Variants in PCDH17 observed in about 807,000 individuals in gnomAD.
PCDH17 encodes protocadherin-17.
A neutral mutation model predicts 67.7 loss-of-function variants in PCDH17; 21 were observed. The ratio of observed to expected loss-of-function variants is 0.31; its 90% CI spans 0.22 to 0.45. The LOEUF (loss-of-function observed/expected upper bound fraction) is 0.45. Among genes scored for constraint, PCDH17 ranks in the 20% least tolerant of loss-of-function variants. The pLI, the probability that PCDH17 is intolerant of heterozygous loss-of-function variation, is 1.00. For synonymous variants in PCDH17, 701 were observed against 656.7 expected (o/e 1.07, Z -1.03); for missense variants, 1,471 against 1,564.8 (o/e 0.94, Z 1.01).
chr13:57,633,236 C>A lies in PCDH17; in HGVS notation c.690C>A (p.Asn230Lys). Reference sequence around the variant, plus strand: ...CACGTTCCGCCACCGTACAGATCAACGTGAAGGTGATTGACTCCAACGACA... The same window carrying A: ...CACGTTCCGCCACCGTACAGATCAAAGTGAAGGTGATTGACTCCAACGACA... Reference protein sequence around the residue: ...EPPRSATVQINVKVIDSNDNS... With the variant: ...EPPRSATVQIKVKVIDSNDNS... Residue 230 changes from asparagine to lysine, a missense_variant, in exon 1 of 4, where the codon AAC (asparagine) becomes AAA (lysine). Coordinates refer to ENST00000377918, the MANE Select transcript of PCDH17 (RefSeq NM_001040429.3). This position sits in a 1 kb window ranked among gnomAD's most constrained non-coding sequence, Gnocchi z 6.2. The A allele has an allele frequency of 6.2e-7, 1 of 1,613,282 alleles. No homozygotes were observed. The highest frequency in any genetic ancestry group is 8.5e-7 in the Non-Finnish European group (1 of 1,179,998).
chr13:57,666,944 T>C, intron 3 of PCDH17, 111 bp downstream of exon 3: 2 of 772,290 alleles, frequency 2.6e-6, no homozygotes, highest in Non-Finnish European at 3.7e-6. Flanking sequence ...TTATAATATA[T>C]CAAAGAAACA....
chr13:57,709,113 A>G (rs986764826), intron 3 of PCDH17, among the ~76,000 whole-genome samples: 1 of 150,276 alleles, frequency 6.7e-6, no homozygotes, highest in Non-Finnish European at 1.5e-5. Context: ...TGTATAAAAT[A>G]TATATATATA....
Position 57,725,362 on chromosome 13 carries a change from G to A in PCDH17, c.*68G>A, listed in dbSNP as rs1373428341. ...TGTTGATTTAAAAATGATCCCTCCT[G>A]GTGATAACCCATTTTACAGGGATGA... On this transcript the variant is annotated 3_prime_UTR_variant, in exon 4 of 4. Coordinates refer to ENST00000377918, the MANE Select transcript of PCDH17 (RefSeq NM_001040429.3). 7.3e-7 allele frequency: 1 copy of A among 1,378,426 alleles called. No homozygotes were observed. The highest frequency in any genetic ancestry group is 2.1e-5 in the Admixed American group (1 of 46,828). The allele number at this position is 1,378,426 out of a possible 1,614,324, so 85.4% of individuals were successfully genotyped here.
At chr13:57,715,699 T>C (rs908795550) in intron 3 of PCDH17, among the ~76,000 whole-genome samples, 3 of 151,900 alleles carry the variant, frequency 2.0e-5, no homozygotes, top group African/African-American at 7.2e-5. Context: ...TCTTACTCTT[T>C]GTTGTTGTCT....
At chr13:57,670,434 C>T (rs1439650724) in intron 3 of PCDH17, among the ~76,000 whole-genome samples, 1 of 151,494 alleles carries the variant, frequency 6.6e-6, no homozygotes, top group African/African-American at 2.4e-5. Context: ...CGAGAAAAAA[C>T]TAGAGCTAAA....
At chr13:57,700,307 ATCTC>A (rs1245478591) in intron 3 of PCDH17, among the ~76,000 whole-genome samples, 6 of 148,230 alleles carry the variant, frequency 4.0e-5, no homozygotes, top group East Asian at 2.0e-4. Flanking sequence ...ACATAATTAC[ATCTC>A]TCTCTCTCTC....
chr13:57,697,695 A>G (rs1955624076), intron 3 of PCDH17, among the ~76,000 whole-genome samples: 1 of 151,682 alleles, frequency 6.6e-6, no homozygotes, highest in Non-Finnish European at 1.5e-5. Flanking sequence ...AAGAAAAAAG[A>G]CTATAGATTA....
At chr13:57,675,938 C>A (rs2138039370) in intron 3 of PCDH17, among the ~76,000 whole-genome samples, 1 of 151,904 alleles carries the variant, frequency 6.6e-6, no homozygotes, top group East Asian at 1.9e-4. Context: ...GAGGAATGAA[C>A]AAAGTAAGCG....
chr13:57,632,711 C>T lies in PCDH17; in HGVS notation c.165C>T (p.Gly55=). ...GGCTTCCGCCTGCAGAGCGCGGCGG[C>T]GGAGGGCGCAGCAAGTCGGGTAGCT... The part of the protein sequence containing the change: ...QPGLPPAERG[G]GGRSKSGSYR... The change falls in exon 1 of 4, where the codon GGC becomes GGT. Residue 55 remains glycine (G), a synonymous_variant. Transcript: ENST00000377918. The T allele has an allele frequency of 1.9e-6, 3 of 1,611,496 alleles. No homozygotes were observed. The highest frequency in any genetic ancestry group is 2.5e-6 in the Non-Finnish European group (3 of 1,179,912).
chr13:57,673,255 T>C (rs1955346089), intron 3 of PCDH17, among the ~76,000 whole-genome samples: 1 of 151,974 alleles, frequency 6.6e-6, no homozygotes, highest in African/African-American at 2.4e-5. Context: ...AGACCCCCAG[T>C]AAAACCTGTT....
chr13:57,658,921 A>C (rs1163330938), intron 1 of PCDH17, among the ~76,000 whole-genome samples: 1 of 152,156 alleles, frequency 6.6e-6, no homozygotes, highest in Non-Finnish European at 1.5e-5. Context: ...CTAAAATTAC[A>C]AAAGAATGCT....
At chr13:57,684,263 G>A (rs1484213844) in intron 3 of PCDH17, among the ~76,000 whole-genome samples, 1 of 151,760 alleles carries the variant, frequency 6.6e-6, no homozygotes, top group African/African-American at 2.4e-5. Flanking sequence ...CTTATGAGAT[G>A]CAATTTTGAC....
At chr13:57,716,020 T>C (rs1055991801) in intron 3 of PCDH17, among the ~76,000 whole-genome samples, 2 of 151,950 alleles carry the variant, frequency 1.3e-5, no homozygotes, top group African/African-American at 2.4e-5. Context: ...ATATGAAAGA[T>C]GAAAGCTGAG....
At chr13:57,694,899 G>A (rs1056804151) in intron 3 of PCDH17, among the ~76,000 whole-genome samples, 3 of 151,154 alleles carry the variant, frequency 2.0e-5, no homozygotes, top group Non-Finnish European at 4.5e-5. Context: ...CAACTCCTGT[G>A]TGTCCAAAGA....
At chr13:57,688,339 T>C (rs1349984545) in intron 3 of PCDH17, among the ~76,000 whole-genome samples, 1 of 151,894 alleles carries the variant, frequency 6.6e-6, no homozygotes, top group Admixed American at 6.6e-5. Context: ...TAAAAAACTT[T>C]GGGAAAAATT....
At chr13:57,666,434 C>T (rs377111914) in intron 1 of PCDH17, 34 bp from the exon 2 acceptor site, 1 of 1,550,382 alleles carries the variant, frequency 6.5e-7, no homozygotes. Flanking sequence ...GTCCAGTGTA[C>T]AACTATACGT....
intron 1 of PCDH17, 22 bp downstream of exon 1, chr13:57,635,133 T>G: frequency 6.2e-7 from 1 of 1,610,334 alleles, no homozygotes; most frequent in African/African-American, 1.3e-5. Context: ...TTAGCATAAC[T>G]GGGAGTTCAC....
Position 57,666,783 on chromosome 13 carries a change from A to G in PCDH17, c.2747A>G (p.Glu916Gly), listed in dbSNP as rs1238448672. 2 of 1,612,944 alleles carry G rather than the reference A, an allele frequency of 1.2e-6. No homozygotes were observed. Among genetic ancestry groups the G allele is most frequent in the Admixed American group, 1.7e-5 (1 of 59,760 alleles). Reference sequence around the variant, plus strand: ...TCCTGCTGTGACATGTCTGTTAGGGAGGCACTCAAGATGAAAACTACTTCA... The same window carrying G: ...TCCTGCTGTGACATGTCTGTTAGGGGGGCACTCAAGATGAAAACTACTTCA... ...KGSCCDMSVREALKMKTTSTK... is the reference protein window; with the variant it reads ...KGSCCDMSVRGALKMKTTSTK... Residue 916 changes from glutamate (E) to glycine (G), a missense_variant, in exon 3 of 4, where the codon GAG becomes GGG. Glu to Gly is a moderately conservative substitution (Grantham distance 98). Transcript: ENST00000377918.
intron 3 of PCDH17, among the ~76,000 whole-genome samples, chr13:57,712,096 A>C (rs1955782176): frequency 6.6e-6 from 1 of 151,704 alleles, no homozygotes; most frequent in African/African-American, 2.4e-5. Context: ...CTTTGTGATC[A>C]TAAATACTTT....
Sources: gnomAD v4.1 joint callset for allele counts (sites outside exome capture counted in the v4.1 genomes callset) on GRCh38, gnomAD v4.1.1 for gene constraint, Gnocchi (gnomAD v3.1) non-coding constraint, MANE v1.5 for transcripts, NCBI Gene and HGNC (gene_info 2026-07-23, HGNC 2026-07-21) for gene names.